GSTA1: variants seen among roughly 807,000 people sequenced by gnomAD.
GSTA1 encodes the protein glutathione S-transferase alpha 1.
Under a neutral mutation model 21.5 loss-of-function variants are expected in GSTA1, and 23 were observed. The observed-to-expected ratio is 1.07, with a 90% CI of 0.77 to 1.52. The LOEUF (loss-of-function observed/expected upper bound fraction) is 1.52, where lower values mean the gene tolerates loss of function less well. Ranked by LOEUF, GSTA1 falls within the 40% of genes most tolerant of loss-of-function variation. The pLI is 0.00. For missense variants in GSTA1, 301 were observed against 264.2 expected, an observed-to-expected ratio of 1.14 and a Z score of -0.96; for synonymous variants, 125 against 90.0, an observed-to-expected ratio of 1.39 and a Z score of -2.20.
intron 2 of GSTA1, among the ~76,000 whole-genome samples, chr6:52,798,418 C>T (rs1267154545): frequency 2.5e-5 from 3 of 121,262 alleles, no homozygotes; most frequent in Admixed American, 8.9e-5. Flanking sequence ...ATCTCCATGA[C>T]CGAGTACAGA....
chr6:52,793,669 T>C (rs1353895921), intron 5 of GSTA1, among the ~76,000 whole-genome samples: 1 of 152,198 alleles, frequency 6.6e-6, no homozygotes, highest in African/African-American at 2.4e-5. Context: ...ATCACTCTCC[T>C]TTTAAAAAAT....
chr6:52,796,618 A>C (rs950518737), intron 3 of GSTA1, among the ~76,000 whole-genome samples: 3 of 141,322 alleles, frequency 2.1e-5, no homozygotes, highest in Non-Finnish European at 4.5e-5. Context: ...ATCTTGGCTC[A>C]CTGTAACTTC....
intron 1 of GSTA1, among the ~76,000 whole-genome samples, chr6:52,803,493 G>A (rs1332897583): frequency 1.3e-5 from 2 of 152,136 alleles, no homozygotes; most frequent in African/African-American, 4.8e-5. Context: ...ATTATTCTCA[G>A]ATTGTTTAAA....
intron 3 of GSTA1, 92 bp from the exon 4 acceptor site, chr6:52,796,406 A>T: frequency 6.5e-7 from 1 of 1,544,172 alleles, no homozygotes; most frequent in South Asian, 1.2e-5. Context: ...CTAAATTTGT[A>T]AAATGGCAAA....
chr6:52,795,713 G>A (rs1763560242), intron 4 of GSTA1, among the ~76,000 whole-genome samples: 1 of 152,100 alleles, frequency 6.6e-6, no homozygotes, highest in Admixed American at 6.6e-5. Flanking sequence ...AAGTATTCCA[G>A]TTGATATACT....
At chr6:52,803,388 A>C (rs1355587647) in intron 1 of GSTA1, among the ~76,000 whole-genome samples, 2 of 152,162 alleles carry the variant, frequency 1.3e-5, no homozygotes, top group East Asian at 1.9e-4. Context: ...TTTCACAGCC[A>C]ATATAGAATT....
chr6:52,801,890 G>A (rs114604295), intron 1 of GSTA1, among the ~76,000 whole-genome samples: 180 of 152,140 alleles, frequency 1.2e-3, no homozygotes, highest in African/African-American at 4.3e-3. Context: ...CACTTGGTGA[G>A]TGTTGGGTCA....
chr6:52,799,296 GC>G lies in GSTA1; in HGVS notation c.-30del, dbSNP rs750952305. On this transcript the variant is annotated splice_region_variant and 5_prime_UTR_variant, in exon 2 of 7. Coordinates refer to ENST00000334575, the MANE Select transcript of GSTA1 (RefSeq NM_145740.5). ...AGCAGTCTCCTGGAGGTTTCTCTAAGCCTGAATGAATGAATGAATGAATGAA... is the reference window on the plus strand; with the variant it reads ...AGCAGTCTCCTGGAGGTTTCTCTAAGCTGAATGAATGAATGAATGAATGAA... 11 of 1,547,688 alleles carry G rather than the reference GC, an allele frequency of 7.1e-6. No homozygotes were observed. In the East Asian group the frequency reaches 2.5e-4, roughly 35 times the overall value.
rs538835038 is a variant in GSTA1, at chr6:52,794,088, A to T, written c.414+37T>A. Reference sequence around the variant, plus strand: ...GCCACTATTTTTCTATTGGCCTCTAAACTCAGTTCCCCAAAACACTGAACT... The same window carrying T: ...GCCACTATTTTTCTATTGGCCTCTATACTCAGTTCCCCAAAACACTGAACT... On this transcript the variant is annotated intron_variant, in intron 5 of 6. Coordinates refer to ENST00000334575, the MANE Select transcript of GSTA1 (RefSeq NM_145740.5). The T allele has an allele frequency of 3.1e-6, 5 of 1,612,430 alleles. No individual in the cohort carries two copies. In the South Asian group the frequency reaches 4.4e-5, roughly 14 times the overall value.
At chr6:52,796,518 T>A in intron 3 of GSTA1, among the ~76,000 whole-genome samples, 1 of 22,804 alleles carries the variant, frequency 4.4e-5, no homozygotes, top group Non-Finnish European at 1.2e-4. Context: ...TGTGTGTGTG[T>A]GTGTGTGTGT....
chr6:52,802,344 A>T (rs573163716), intron 1 of GSTA1, among the ~76,000 whole-genome samples: 66 of 152,206 alleles, frequency 4.3e-4, no homozygotes, highest in African/African-American at 1.4e-3. Context: ...ATAAACTATG[A>T]CTCCTTCCAT....
intron 6 of GSTA1, 128 bp from the exon 7 acceptor site, chr6:52,792,108 C>A (rs1394647361): frequency 1.6e-6 from 2 of 1,272,534 alleles, no homozygotes; most frequent in Non-Finnish European, 2.2e-6. Context: ...AGCATGGAGG[C>A]AGAAACAGAC....
At chr6:52,793,259 C>T (rs1763501527) in intron 5 of GSTA1, among the ~76,000 whole-genome samples, 1 of 152,162 alleles carries the variant, frequency 6.6e-6, no homozygotes, top group African/African-American at 2.4e-5. Flanking sequence ...GCTTCTTCCA[C>T]ATGGGCCAGG....
In GSTA1 at chr6:52,792,872, C is replaced by T. The variant is rs762009543; in HGVS notation, c.530G>A (p.Ser177Asn). The part of the protein sequence containing the change: ...VEELDSSLIS[S>N]FPLLKALKTR... Reference sequence around the variant, plus strand: ...ATGGGTCACCTTCAGCAGAGGGAAGCTGGAGATAAGACTGGAGTCAAGCTC... The same window carrying T: ...ATGGGTCACCTTCAGCAGAGGGAAGTTGGAGATAAGACTGGAGTCAAGCTC... Residue 177 changes from serine (S) to asparagine (N), a missense_variant, in exon 6 of 7, where the codon AGC becomes AAC. Transcript: ENST00000334575. 1 of 1,613,958 alleles carries T rather than the reference C, an allele frequency of 6.2e-7. No homozygotes were observed. The highest frequency in any genetic ancestry group is 1.1e-5 in the South Asian group (1 of 91,076).
At chr6:52,792,059 C>T (rs1763472454) in intron 6 of GSTA1, 79 bp from the exon 7 acceptor site, 15 of 1,587,676 alleles carry the variant, frequency 9.4e-6, no homozygotes, top group African/African-American at 4.1e-5. Flanking sequence ...AATCTGAGCC[C>T]CTCCTGCAAA....
intron 5 of GSTA1, among the ~76,000 whole-genome samples, chr6:52,793,704 T>C (rs1763511582): frequency 6.6e-6 from 1 of 152,164 alleles, no homozygotes; most frequent in African/African-American, 2.4e-5. Context: ...CGCTACAGTA[T>C]TCTCTGGTTG....
intron 4 of GSTA1, 65 bp downstream of exon 4, chr6:52,796,117 A>G (rs1763573191): frequency 1.2e-5 from 19 of 1,607,710 alleles, no homozygotes; most frequent in Non-Finnish European, 1.6e-5. Context: ...CGTCCCACCC[A>G]CTCAAGGAAG....
At chr6:52,797,165 T>C (rs1279268918) in intron 3 of GSTA1, among the ~76,000 whole-genome samples, 1 of 152,128 alleles carries the variant, frequency 6.6e-6, no homozygotes, top group Non-Finnish European at 1.5e-5. Flanking sequence ...ATTGCTACAG[T>C]GTTACCCAGT....
intron 6 of GSTA1, 134 bp from the exon 7 acceptor site, chr6:52,792,114 C>T: frequency 1.6e-6 from 2 of 1,251,658 alleles, no homozygotes; most frequent in Non-Finnish European, 1.1e-6. Flanking sequence ...GAGGCAGAAA[C>T]AGACACCCAG....
Sources: gnomAD v4.1 joint callset for allele counts (sites outside exome capture counted in the v4.1 genomes callset) on GRCh38, gnomAD v4.1.1 for gene constraint, MANE v1.5 for transcripts, NCBI Gene and HGNC (gene_info 2026-07-23, HGNC 2026-07-21) for gene names.